AMPD1: variants seen among roughly 807,000 people sequenced by gnomAD.
AMPD1 encodes AMP deaminase 1.
A neutral mutation model predicts 82.9 loss-of-function variants in AMPD1; 74 were observed. That is an observed-to-expected ratio of 0.89 (90% CI 0.74 to 1.08). The LOEUF is 1.08. Ranked by LOEUF, AMPD1 falls within the 50% of genes least tolerant of loss-of-function variation. AMPD1 has a pLI of 0.00. For synonymous variants in AMPD1, 333 were observed against 320.5 expected (o/e 1.04, Z -0.42); for missense variants, 881 against 924.5 (o/e 0.95, Z 0.61).
intron 8 of AMPD1, 127 bp downstream of exon 8, chr1:114,678,206 G>T (rs542562775): frequency 2.1e-6 from 3 of 1,460,474 alleles, no homozygotes; most frequent in Non-Finnish European, 2.9e-6. Context: ...AAAATTGTCT[G>T]TGGTGCTTTC....
chr1:114,674,858 T>G lies in AMPD1; in HGVS notation c.1694A>C (p.Asn565Thr), dbSNP rs1163220532. Residue 565 changes from asparagine to threonine, a missense_variant, in exon 13 of 16, where the codon AAT becomes ACT. By Grantham distance (65) the Asn-to-Thr change is moderately conservative. Coordinates refer to ENST00000520113, the MANE Select transcript of AMPD1 (RefSeq NM_000036.3). The part of the protein sequence containing the change: ...LNSLRKERGM[N>T]TFLFRPHCGE... ...ACAGTGAGGTCGGAACAGAAACGTA[T>G]TCATGCCTCGTTCCCTGGGGAAATA... 5.0e-6 allele frequency: 8 copies of G among 1,614,098 alleles called. No individual in the cohort carries two copies. The highest frequency in any genetic ancestry group is 1.3e-5 in the African/African-American group (1 of 75,050).
chr1:114,673,299 A>G, intron 15 of AMPD1, 27 bp from the exon 16 acceptor site: 2 of 1,613,190 alleles, frequency 1.2e-6, no homozygotes, highest in Non-Finnish European at 1.7e-6. Context: ...TGGCAGAATG[A>G]TTGTTGTCTC....
intron 7 of AMPD1, 92 bp from the exon 8 acceptor site, chr1:114,678,619 T>C (rs1244720042): frequency 8.4e-7 from 1 of 1,192,274 alleles, no homozygotes; most frequent in Non-Finnish European, 1.2e-6. Flanking sequence ...TCCCACTGCG[T>C]TGGGACAAAG....
chr1:114,680,068 T>G (rs1363749242), intron 6 of AMPD1, among the ~76,000 whole-genome samples, 191 bp downstream of exon 6: 1 of 152,246 alleles, frequency 6.6e-6, no homozygotes, highest in Non-Finnish European at 1.5e-5. Flanking sequence ...ACTGGAATTA[T>G]GAAAATAACC....
chr1:114,693,363 TG>T, intron 2 of AMPD1, 72 bp downstream of exon 2: 1 of 1,444,338 alleles, frequency 6.9e-7, no homozygotes, highest in Non-Finnish European at 9.8e-7. Flanking sequence ...GCCATGTTTC[TG>T]AATTAAGGAA....
chr1:114,683,421 A>G (rs985965418), intron 5 of AMPD1, among the ~76,000 whole-genome samples: 1 of 152,162 alleles, frequency 6.6e-6, no homozygotes, highest in Admixed American at 6.5e-5. Flanking sequence ...TAAGTTCAGA[A>G]ATAGGTTGAG....
intron 2 of AMPD1, among the ~76,000 whole-genome samples, chr1:114,691,950 A>T (rs972879945): frequency 1.3e-5 from 2 of 152,138 alleles, no homozygotes; most frequent in African/African-American, 2.4e-5. Context: ...AATTAAAATT[A>T]AAAAAAGAAA....
chr1:114,675,407 C>A lies in AMPD1; in HGVS notation c.1679+123G>T, dbSNP rs546844337. 19 of 1,082,064 alleles carry A rather than the reference C, an allele frequency of 1.8e-5. No individual in the cohort carries two copies. In the African/African-American group the frequency reaches 2.3e-4, roughly 13 times the overall value. 67.0% of individuals were successfully genotyped at this position (1,082,064 alleles called of 1,614,324 possible). On this transcript the variant is annotated intron_variant, in intron 12 of 15. Transcript: ENST00000520113. ...GAAAAAAGTTAAGAGAAAGAAATTTCTGATTTGGGCCAATTGGAACCATCA... is the reference window on the plus strand; with the variant it reads ...GAAAAAAGTTAAGAGAAAGAAATTTATGATTTGGGCCAATTGGAACCATCA...
Position 114,688,552 on chromosome 1 carries a change from A to G in AMPD1, c.215+9T>C. The G allele has an allele frequency of 6.2e-7, 1 of 1,613,930 alleles. No individual in the cohort carries two copies. On this transcript the variant is annotated intron_variant, in intron 3 of 15. Transcript: ENST00000520113. ...CCAATATACTAAGCACTCCCCTTAC[A>G]CCACTTACCTCCTGGCTTCTGTGGA...
chr1:114,673,347 A>C (rs1657887565), intron 15 of AMPD1, 75 bp from the exon 16 acceptor site: 1 of 1,553,004 alleles, frequency 6.4e-7, no homozygotes, highest in Non-Finnish European at 8.9e-7. Context: ...CATTCTTTAC[A>C]AAAATTCCTT....
chr1:114,678,098 G>T, intron 8 of AMPD1, 57 bp from the exon 9 acceptor site: 1 of 1,607,852 alleles, frequency 6.2e-7, no homozygotes, highest in Non-Finnish European at 8.5e-7. Context: ...TGGACAGAGA[G>T]AGCTAGGAAA....
At position 114,687,558 on chromosome 1, in the gene AMPD1, T is replaced by C. The variant is rs78950239; in HGVS notation, c.216-648A>G. Among the ~76,000 whole-genome samples the C allele has an allele frequency of 3.7e-3, 568 of 152,156 alleles. 25 individuals are homozygous for C. In the East Asian group the frequency reaches 0.098, roughly 26 times the overall value. ...AAGAGAAAGACAGCAGAATAGTCTT[T>C]TCCCCATGAAGCTGGTGGGATGGGG... On this transcript the variant is annotated intron_variant, in intron 3 of 15. Transcript: ENST00000520113.
At chr1:114,678,240 G>A (rs1373810190) in intron 8 of AMPD1, 93 bp downstream of exon 8, 25 of 1,526,328 alleles carry the variant, frequency 1.6e-5, no homozygotes, top group Non-Finnish European at 2.3e-5. Flanking sequence ...AGCCAAGATG[G>A]TTAAGAGACC....
At chr1:114,691,764 A>T (rs1260771041) in intron 2 of AMPD1, among the ~76,000 whole-genome samples, 1 of 152,034 alleles carries the variant, frequency 6.6e-6, no homozygotes, top group African/African-American at 2.4e-5. Context: ...CGTCTCTACT[A>T]AAAATACCAA....
chr1:114,690,858 A>G (rs761566211), intron 2 of AMPD1, among the ~76,000 whole-genome samples: 1 of 152,198 alleles, frequency 6.6e-6, no homozygotes, highest in Admixed American at 6.5e-5. Context: ...ACAGTTGGTT[A>G]TAAAGATGAG....
chr1:114,688,894 C>A, intron 2 of AMPD1, 153 bp from the exon 3 acceptor site: 1 of 850,114 alleles, frequency 1.2e-6, no homozygotes, highest in Non-Finnish European at 2.0e-6. Flanking sequence ...AGTGCCTGCT[C>A]TCCTTTTAGT....
chr1:114,682,326 A>G lies in AMPD1; in HGVS notation c.548-1848T>C, dbSNP rs2101718353. Among the ~76,000 whole-genome samples, 2 of 152,344 alleles carry G rather than the reference A, an allele frequency of 1.3e-5. 1 individual carries two copies. Among genetic ancestry groups the G allele is most frequent in the East Asian group, 3.9e-4 (2 of 5,194 alleles). ...CTACAATATTTGTTACTACTATCAAATATTAATTTTGAAATCCTTATACTT... is the reference window on the plus strand; with the variant it reads ...CTACAATATTTGTTACTACTATCAAGTATTAATTTTGAAATCCTTATACTT... On this transcript the variant is annotated intron_variant, in intron 5 of 15. Coordinates refer to ENST00000520113, the MANE Select transcript of AMPD1 (RefSeq NM_000036.3).
chr1:114,685,037 A>G (rs932515277), intron 4 of AMPD1, among the ~76,000 whole-genome samples: 1 of 152,172 alleles, frequency 6.6e-6, no homozygotes, highest in Non-Finnish European at 1.5e-5. Context: ...GGCATGCCCA[A>G]GTAGTTATAA....
chr1:114,673,637 A>G lies in AMPD1; in HGVS notation c.2085+2T>C. 1 of 1,610,480 alleles carries G rather than the reference A, an allele frequency of 6.2e-7. No homozygotes were observed. Among genetic ancestry groups the G allele is most frequent in the Non-Finnish European group, 8.5e-7 (1 of 1,176,742 alleles). On this transcript the variant is annotated splice_donor_variant, in intron 15 of 15. Transcript: ENST00000520113. LOFTEE classifies it high-confidence loss of function. ...AGGGAAGCCATTTGAAGACAGGTCT[A>G]CCTCATGAGAAATTCCACACTGCAA...
Sources: gnomAD v4.1 joint callset for allele counts (sites outside exome capture counted in the v4.1 genomes callset) on GRCh38, gnomAD v4.1.1 for gene constraint, MANE v1.5 for transcripts, NCBI Gene and HGNC (gene_info 2026-07-23, HGNC 2026-07-21) for gene names.